GRIK4: variants seen among roughly 807,000 people sequenced by gnomAD.
The protein encoded by GRIK4 is glutamate ionotropic receptor kainate type subunit 4.
A neutral mutation model predicts 104.9 loss-of-function variants in GRIK4; 40 were observed. The observed-to-expected ratio is 0.38, with a 90% CI of 0.30 to 0.50. The LOEUF (loss-of-function observed/expected upper bound fraction) is 0.50, where lower values mean the gene tolerates loss of function less well. Ranked by LOEUF, GRIK4 falls within the 20% of genes least tolerant of loss-of-function variation. The pLI, the probability that GRIK4 is intolerant of heterozygous loss-of-function variation, is 0.93. For synonymous variants in GRIK4, 485 were observed against 524.9 expected (o/e 0.92, Z 1.04); for missense variants, 1,047 against 1,308.1 (o/e 0.80, Z 3.08).
At chr11:120,572,684 T>C (rs1948416776) in intron 1 of GRIK4, among the ~76,000 whole-genome samples, 1 of 152,202 alleles carries the variant, frequency 6.6e-6, no homozygotes. Context: ...AAGTCATGCA[T>C]AAATAAAATC....
At chr11:120,587,940 A>T (rs187720789) in intron 1 of GRIK4, among the ~76,000 whole-genome samples, 21 of 152,276 alleles carry the variant, frequency 1.4e-4, no homozygotes, top group Non-Finnish European at 1.2e-4. Context: ...TTCCATCCTG[A>T]TATGGCATAA....
At chr11:120,889,589 A>ATT (rs369264259) in intron 11 of GRIK4, among the ~76,000 whole-genome samples, 2,155 of 62,432 alleles carry the variant, frequency 0.035, 456 homozygotes, top group Middle Eastern at 0.074. Flanking sequence ...AAGAGCTTAC[A>ATT]TTTTTTTTTT....
intron 3 of GRIK4, among the ~76,000 whole-genome samples, chr11:120,697,713 G>T (rs1302916205): frequency 6.6e-6 from 1 of 152,194 alleles, no homozygotes; most frequent in East Asian, 1.9e-4. Flanking sequence ...CAGAGCTCTG[G>T]TGGCTTTTAT....
At chr11:120,915,108 A>G (rs1380490000) in intron 13 of GRIK4, among the ~76,000 whole-genome samples, 2 of 152,086 alleles carry the variant, frequency 1.3e-5, no homozygotes, top group Non-Finnish European at 2.9e-5. Flanking sequence ...CCTTTCTACA[A>G]TGGCTCCTTG....
At chr11:120,893,115 A>T (rs1224335119) in intron 11 of GRIK4, among the ~76,000 whole-genome samples, 2 of 152,228 alleles carry the variant, frequency 1.3e-5, no homozygotes, top group East Asian at 3.8e-4. Context: ...CTGCATATTA[A>T]GGTAGACAGG....
chr11:120,674,437 T>C (rs974825520), intron 3 of GRIK4, among the ~76,000 whole-genome samples: 2 of 152,228 alleles, frequency 1.3e-5, no homozygotes, highest in African/African-American at 4.8e-5. Context: ...CTTCATAGGT[T>C]GGGCTTTGCT....
At chr11:120,753,923 CAAG>C (rs1427781082) in intron 3 of GRIK4, among the ~76,000 whole-genome samples, 1 of 152,122 alleles carries the variant, frequency 6.6e-6, no homozygotes, top group African/African-American at 2.4e-5. Flanking sequence ...TTCAGCACCC[CAAG>C]AAGAAAGCCC....
In GRIK4 at chr11:120,706,353, G is replaced by A. The variant is rs151321288; in HGVS notation, c.82+45953G>A. Among the ~76,000 whole-genome samples the A allele has an allele frequency of 4.9e-3, 751 of 152,328 alleles. 2 individuals carry two copies. Among genetic ancestry groups the A allele is most frequent in the Middle Eastern group, 0.017 (5 of 294 alleles). Reference sequence around the variant, plus strand: ...TTCTTCTGGACTCCTGGCTGATCCAGCCTGAGTGCTGTGTGGCCACCTCTT... The same window carrying A: ...TTCTTCTGGACTCCTGGCTGATCCAACCTGAGTGCTGTGTGGCCACCTCTT... On this transcript the variant is annotated intron_variant, in intron 3 of 20. Coordinates refer to ENST00000527524, the MANE Select transcript of GRIK4 (RefSeq NM_014619.5).
At chr11:120,836,716 T>C (rs542305384) in intron 7 of GRIK4, 75 bp from the exon 8 acceptor site, 88 of 922,736 alleles carry the variant, frequency 9.5e-5, no homozygotes, top group African/African-American at 4.8e-4. Flanking sequence ...TGGTAGACAC[T>C]TGGAACCCCT....
chr11:120,580,242 TCTTTCTTTCTTTTTCTTTCTTTCTTTC>T lies in GRIK4; in HGVS notation c.-159+68368_-159+68394del, dbSNP rs1352134255. Among the ~76,000 whole-genome samples, 1,083 of 139,160 alleles carry T rather than the reference TCTTTCTTTCTTTTTCTTTCTTTCTTTC, an allele frequency of 7.8e-3. 7 individuals are homozygous for T. Among genetic ancestry groups the T allele is most frequent in the African/African-American group, 0.032 (1,024 of 31,628 alleles). 91.3% of individuals were successfully genotyped at this position (139,160 alleles called of 152,430 possible). A position where few individuals can be genotyped will look rare whatever the true frequency, so the allele number is the denominator to read the frequency against. On this transcript the variant is annotated intron_variant, in intron 1 of 20. Transcript: ENST00000527524. ...TTCTTTCTTTCTTTCTTTCTTTCTT[TCTTTCTTTCTTTTTCTTTCTTTCTTTC>T]CTTTCTTTCTTTATTTATTTTTTTG...
At chr11:120,616,908 G>T (rs993645135) in intron 1 of GRIK4, among the ~76,000 whole-genome samples, 1 of 152,166 alleles carries the variant, frequency 6.6e-6, no homozygotes, top group Non-Finnish European at 1.5e-5. Context: ...TTTTGCCCTG[G>T]GGTTCCTTGA....
intron 12 of GRIK4, among the ~76,000 whole-genome samples, chr11:120,899,856 G>A (rs1057232126): frequency 8.5e-5 from 13 of 152,176 alleles, no homozygotes; most frequent in Admixed American, 1.3e-4. Flanking sequence ...GCAAAGAGGC[G>A]ATGCATGAGT....
At chr11:120,744,829 A>G (rs1951411364) in intron 3 of GRIK4, among the ~76,000 whole-genome samples, 1 of 152,240 alleles carries the variant, frequency 6.6e-6, no homozygotes, top group African/African-American at 2.4e-5. Context: ...CTTTGCAGTA[A>G]TAACTGTTAT....
At chr11:120,773,548 G>C (rs1951985678) in intron 3 of GRIK4, among the ~76,000 whole-genome samples, 1 of 152,228 alleles carries the variant, frequency 6.6e-6, no homozygotes, top group Middle Eastern at 3.2e-3. Flanking sequence ...TGGGGAAGTG[G>C]GGGTGTTGCT....
intron 11 of GRIK4, among the ~76,000 whole-genome samples, chr11:120,876,239 CCACCACCACCACCATTACCACCACCAT>C (rs1954795903): frequency 7.3e-6 from 1 of 137,916 alleles, no homozygotes; most frequent in Non-Finnish European, 1.6e-5. Flanking sequence ...ACGATTACTA[CCACCACCACCACCATTACCACCACCAT>C]CACCACCACC....
At chr11:120,570,294 T>A (rs1948380947) in intron 1 of GRIK4, among the ~76,000 whole-genome samples, 1 of 152,232 alleles carries the variant, frequency 6.6e-6, no homozygotes, top group Admixed American at 6.5e-5. Context: ...ATATTCAGTA[T>A]TTCTCTGTCC....
intron 1 of GRIK4, among the ~76,000 whole-genome samples, chr11:120,636,295 C>T (rs1436645547): frequency 6.6e-6 from 1 of 152,200 alleles, no homozygotes; most frequent in Non-Finnish European, 1.5e-5. Flanking sequence ...CTGACCCCTA[C>T]CCCAGGGGAG....
chr11:120,719,744 A>G (rs1357394326), intron 3 of GRIK4, among the ~76,000 whole-genome samples: 1 of 152,206 alleles, frequency 6.6e-6, no homozygotes, highest in Non-Finnish European at 1.5e-5. Flanking sequence ...CTCCTGCCCA[A>G]TATTCAAAAC....
chr11:120,570,614 C>G (rs751378771), intron 1 of GRIK4, among the ~76,000 whole-genome samples: 1 of 152,118 alleles, frequency 6.6e-6, no homozygotes, highest in Non-Finnish European at 1.5e-5. Context: ...ACCATCACAC[C>G]TGGCTATTTT....
Sources: allele counts gnomAD v4.1 joint callset (sites outside exome capture counted in the v4.1 genomes callset), GRCh38; gene constraint gnomAD v4.1.1; transcripts MANE v1.5; gene names NCBI Gene and HGNC (gene_info 2026-07-23, HGNC 2026-07-21).